The following SYCP2L variants were observed in gnomAD, a reference collection of about 807,000 sequenced individuals.
The protein encoded by SYCP2L is synaptonemal complex protein 2-like.
SYCP2L carries 98 observed loss-of-function variants against 125.8 expected under a neutral mutation model. The observed-to-expected ratio is 0.78, with a 90% CI of 0.66 to 0.92. SYCP2L has a LOEUF of 0.92. Among genes scored for constraint, SYCP2L ranks in the 40% least tolerant of loss-of-function variants. The pLI is 0.00. For missense variants in SYCP2L, 842 were observed against 936.4 expected (o/e 0.90, Z 1.32); for synonymous variants, 317 against 325.4 (o/e 0.97, Z 0.28).
chr6:10,942,313 C>T (rs531761432), intron 21 of SYCP2L, 146 bp from the exon 22 acceptor site: 204 of 590,184 alleles, frequency 3.5e-4, no homozygotes, highest in African/African-American at 2.6e-3. Context: ...ATTCGTGTCC[C>T]GAAAGACACA....
chr6:10,928,062 A>G (rs992586057), intron 17 of SYCP2L, among the ~76,000 whole-genome samples: 1 of 152,128 alleles, frequency 6.6e-6, no homozygotes, highest in African/African-American at 2.4e-5. Flanking sequence ...TCTTTTTTCA[A>G]GGTGCCCAGA....
intron 21 of SYCP2L, among the ~76,000 whole-genome samples, chr6:10,937,472 A>T (rs1442201620): frequency 6.6e-6 from 1 of 152,178 alleles, no homozygotes; most frequent in East Asian, 1.9e-4. Context: ...ATAAATACCT[A>T]CCTTAAGAAA....
chr6:10,889,382 C>T (rs983351367), intron 1 of SYCP2L, among the ~76,000 whole-genome samples: 2 of 152,164 alleles, frequency 1.3e-5, no homozygotes, highest in African/African-American at 4.8e-5. Flanking sequence ...GGTAATTATG[C>T]ATATCCATCA....
chr6:10,943,542 T>C (rs1256653957), intron 23 of SYCP2L, among the ~76,000 whole-genome samples: 2 of 151,176 alleles, frequency 1.3e-5, no homozygotes, highest in Non-Finnish European at 2.9e-5. Context: ...TCAGAAGAGA[T>C]AGATGTGTAC....
Position 10,954,112 on chromosome 6 carries a change from G to T in SYCP2L, c.1955-1004G>T, listed in dbSNP as rs1305723676. ...AGTAACGTCCACATATTCATGGAAT[G>T]AATTAGTGAAATTGAATTCCAGAAC... On this transcript the variant is annotated intron_variant, in intron 23 of 29. Coordinates refer to ENST00000283141, the MANE Select transcript of SYCP2L (RefSeq NM_001040274.3). The surrounding 1 kb of genome is among the most constrained non-coding windows in gnomAD (Gnocchi z 4.8). 2.6e-5 allele frequency among the ~76,000 whole-genome samples: 4 copies of T among 152,168 alleles called. No individual in the cohort carries two copies. The highest frequency in any genetic ancestry group is 5.9e-5 in the Non-Finnish European group (4 of 68,028).
intron 23 of SYCP2L, among the ~76,000 whole-genome samples, chr6:10,951,478 C>T (rs1407668817): frequency 2.0e-5 from 3 of 152,108 alleles, no homozygotes; most frequent in African/African-American, 4.8e-5. Flanking sequence ...CTGCTTGATT[C>T]GCTATTTAAG....
At chr6:10,951,154 T>C (rs1370375558) in intron 23 of SYCP2L, among the ~76,000 whole-genome samples, 1 of 152,052 alleles carries the variant, frequency 6.6e-6, no homozygotes, top group Non-Finnish European at 1.5e-5. Context: ...CTGGGCATGG[T>C]GGCTTATGCC....
intron 16 of SYCP2L, among the ~76,000 whole-genome samples, chr6:10,926,720 C>T (rs541590069): frequency 4.3e-4 from 66 of 151,750 alleles, no homozygotes; most frequent in African/African-American, 1.2e-3. Flanking sequence ...TGCACTAGAC[C>T]GTGTTTCTCT....
At chr6:10,971,332 G>T (rs192091360) in intron 29 of SYCP2L, among the ~76,000 whole-genome samples, 17 of 151,744 alleles carry the variant, frequency 1.1e-4, no homozygotes, top group Admixed American at 7.9e-4. Context: ...GTGGCACGAG[G>T]CTGTAGTCCA....
intron 28 of SYCP2L, among the ~76,000 whole-genome samples, chr6:10,963,079 A>G (rs1296957303): frequency 1.3e-5 from 2 of 152,202 alleles, no homozygotes; most frequent in Non-Finnish European, 2.9e-5. Context: ...TAAATCCCCA[A>G]TATTAGGCAA....
chr6:10,960,238 A>G (rs1300435005), intron 26 of SYCP2L, among the ~76,000 whole-genome samples: 1 of 152,234 alleles, frequency 6.6e-6, no homozygotes, highest in Non-Finnish European at 1.5e-5. Flanking sequence ...CTTAGGATGG[A>G]ATACATTATT....
chr6:10,946,995 A>G (rs1201992859), intron 23 of SYCP2L, among the ~76,000 whole-genome samples: 4 of 150,662 alleles, frequency 2.7e-5, no homozygotes, highest in Non-Finnish European at 5.9e-5. Flanking sequence ...TCTTTTACCC[A>G]CTCCTACGTA....
rs1251309303 is a variant in SYCP2L at position 10,956,257 on chromosome 6, A to G, written c.2163+15A>G. The G allele has an allele frequency of 6.4e-7, 1 of 1,563,932 alleles. No homozygotes were observed. Among genetic ancestry groups the G allele is most frequent in the Admixed American group, 1.7e-5 (1 of 59,716 alleles). On this transcript the variant is annotated intron_variant, in intron 25 of 29. Transcript: ENST00000283141. Reference sequence around the variant, plus strand: ...GAAAATATGAGGTAGTAGTCCACAAAACTTAAAAAACTAGAGCGTTATGAA... The same window carrying G: ...GAAAATATGAGGTAGTAGTCCACAAGACTTAAAAAACTAGAGCGTTATGAA...
intron 29 of SYCP2L, among the ~76,000 whole-genome samples, chr6:10,966,994 A>C (rs1781691059): frequency 6.6e-6 from 1 of 152,194 alleles, no homozygotes; most frequent in African/African-American, 2.4e-5. Flanking sequence ...GAAATGTAGA[A>C]ATAACCAATG....
intron 25 of SYCP2L, 117 bp downstream of exon 25, chr6:10,956,359 T>C: frequency 1.3e-6 from 1 of 778,792 alleles, no homozygotes; most frequent in African/African-American, 1.8e-5. Flanking sequence ...CTAAAAAAAG[T>C]TGAACTCAGA....
intron 14 of SYCP2L, among the ~76,000 whole-genome samples, chr6:10,913,723 T>G (rs1780644583): frequency 6.6e-6 from 1 of 152,234 alleles, no homozygotes; most frequent in Non-Finnish European, 1.5e-5. Flanking sequence ...TTAGTTTAAT[T>G]AAGTCCCAGC....
intron 24 of SYCP2L, 99 bp downstream of exon 24, chr6:10,955,316 G>T: frequency 1.4e-6 from 1 of 689,722 alleles, no homozygotes; most frequent in Non-Finnish European, 2.4e-6. Flanking sequence ...ATAGTTTTAA[G>T]ATCATAGTAG....
intron 18 of SYCP2L, among the ~76,000 whole-genome samples, chr6:10,929,706 G>T (rs1218151389): frequency 2.0e-5 from 3 of 152,104 alleles, no homozygotes; most frequent in Non-Finnish European, 4.4e-5. Context: ...AGGCCAAGGT[G>T]GGTGGATCAT....
At chr6:10,891,974 A>G (rs533070269) in intron 2 of SYCP2L, among the ~76,000 whole-genome samples, 1 of 152,240 alleles carries the variant, frequency 6.6e-6, no homozygotes, top group African/African-American at 2.4e-5. Context: ...AGAAGCAGGA[A>G]GAAAAAGAAC....
Sources: allele counts gnomAD v4.1 joint callset (sites outside exome capture counted in the v4.1 genomes callset), GRCh38; gene constraint gnomAD v4.1.1; non-coding constraint Gnocchi (gnomAD v3.1); transcripts MANE v1.5; gene names NCBI Gene and HGNC (gene_info 2026-07-23, HGNC 2026-07-21).